ARHGEF1: variants seen among roughly 807,000 people sequenced by gnomAD.
ARHGEF1 encodes 115 kDa guanine nucleotide exchange factor.
ARHGEF1 carries 40 observed loss-of-function variants against 119.7 expected under a neutral mutation model. That is an observed-to-expected ratio of 0.33 (90% CI 0.26 to 0.44). ARHGEF1 has a LOEUF of 0.44. Among genes scored for constraint, ARHGEF1 ranks in the 20% least tolerant of loss-of-function variants. The pLI, the probability that ARHGEF1 is intolerant of heterozygous loss-of-function variation, is 1.00. For synonymous variants in ARHGEF1, 494 were observed against 521.0 expected (o/e 0.95, Z 0.71); for missense variants, 976 against 1,268.3 (o/e 0.77, Z 3.50).
intron 1 of ARHGEF1, among the ~76,000 whole-genome samples, chr19:41,926,966 GAGATGCCGAGAAAGGAAGAGAGAGAGAT>G (rs1240437213): frequency 1.1e-4 from 16 of 152,074 alleles, no homozygotes; most frequent in East Asian, 3.9e-4. Context: ...GAGATAGAAA[GAGATGCCGAGAAAGGAAGAGAGAGAGAT>G]AGATGCCGAG....
chr19:41,893,261 C>T lies in ARHGEF1; in HGVS notation c.615-13C>T. 1 of 1,612,482 alleles carries T rather than the reference C, an allele frequency of 6.2e-7. No individual in the cohort carries two copies. The highest frequency in any genetic ancestry group is 8.5e-7 in the Non-Finnish European group (1 of 1,179,438). ...TAGCAAATATGTCACAAACATCTCT[C>T]TTCCTCCTACAGACATACCATCTCT... On this transcript the variant is annotated splice_polypyrimidine_tract_variant and intron_variant, in intron 7 of 28. Coordinates refer to ENST00000354532, the MANE Select transcript of ARHGEF1 (RefSeq NM_004706.4).
At chr19:41,929,468 C>T (rs549219226) in intron 2 of ARHGEF1, among the ~76,000 whole-genome samples, 112 of 152,324 alleles carry the variant, frequency 7.4e-4, no homozygotes, top group African/African-American at 2.6e-3. Flanking sequence ...AGCCTCAGGG[C>T]GGGTCAGACC....
In ARHGEF1 at chr19:41,906,534, C is replaced by T; in HGVS notation, c.2569C>T (p.Pro857Ser). The change falls in exon 27 of 29, where the codon CCA (proline) becomes TCA (serine). Residue 857 changes from proline (P) to serine (S), a missense_variant. Coordinates refer to ENST00000354532, the MANE Select transcript of ARHGEF1 (RefSeq NM_004706.4). The surrounding 1 kb of genome is among the most constrained non-coding windows in gnomAD (Gnocchi z 4.5). ...GCCTCCTCGAGATGGGGATGGGGTC[C>T]CAGGGGGCGGCCCCCTGAGCCCAGC... ...AGPPRDGDGV[P>S]GGGPLSPART... The T allele has an allele frequency of 6.3e-7, 1 of 1,582,212 alleles. No individual in the cohort carries two copies. The highest frequency in any genetic ancestry group is 8.5e-7 in the Non-Finnish European group (1 of 1,171,992).
At position 41,892,258 on chromosome 19, in the gene ARHGEF1, T is replaced by C; in HGVS notation, c.325-73T>C. 6.3e-7 allele frequency: 1 copy of C among 1,598,736 alleles called. No homozygotes were observed. The highest frequency in any genetic ancestry group is 1.1e-5 in the South Asian group (1 of 90,800). On this transcript the variant is annotated intron_variant, in intron 5 of 28. Coordinates refer to ENST00000354532, the MANE Select transcript of ARHGEF1 (RefSeq NM_004706.4). The surrounding 1 kb of genome is among the most constrained non-coding windows in gnomAD (Gnocchi z 6.3). Reference sequence around the variant, plus strand: ...CCAGCACCCTCGCTTAGACCAGGGTTCCTGGCAGTCCTCCCGGCCTGCATC... The same window carrying C: ...CCAGCACCCTCGCTTAGACCAGGGTCCCTGGCAGTCCTCCCGGCCTGCATC...
At position 41,916,369 on chromosome 19, in the gene ARHGEF1, T is replaced by G. The variant is rs2074801859; in HGVS notation, c.1866-6723T>G. ...CCACTGCTGCCACACACAACCCACA[T>G]CACACAGATGCATGTGTCAGTAAAG... is the stretch of plus-strand genomic sequence containing the variant. On this transcript the variant is annotated intron_variant, in intron 18 of 20. Coordinates refer to the ARHGEF1 transcript ENST00000599589. This position sits in a 1 kb window ranked among gnomAD's most constrained non-coding sequence, Gnocchi z 5.4. Among the ~76,000 whole-genome samples the G allele has an allele frequency of 6.6e-6, 1 of 151,656 alleles. No homozygotes were observed. Among genetic ancestry groups the G allele is most frequent in the South Asian group, 2.1e-4 (1 of 4,806 alleles).
chr19:41,911,747 C>G (rs2074752930), downstream of ARHGEF1, among the ~76,000 whole-genome samples: 1 of 152,100 alleles, frequency 6.6e-6, no homozygotes, highest in African/African-American at 2.4e-5. Flanking sequence ...CCCACAGGAC[C>G]CCAAGGTGAC....
At chr19:41,919,389 C>A (rs953181383), upstream of ARHGEF1, among the ~76,000 whole-genome samples, 2 of 151,914 alleles carry the variant, frequency 1.3e-5, no homozygotes, top group Non-Finnish European at 1.5e-5. Flanking sequence ...ATCAAACATA[C>A]ACAAACAGTC....
Position 41,904,546 on chromosome 19 carries a change from G to C in ARHGEF1, c.2161+163G>C, listed in dbSNP as rs910519785. Among the ~76,000 whole-genome samples, 5 of 152,044 alleles carry C rather than the reference G, an allele frequency of 3.3e-5. No individual in the cohort carries two copies. Among genetic ancestry groups the C allele is most frequent in the Non-Finnish European group, 5.9e-5 (4 of 68,014 alleles). The stretch of plus-strand genomic sequence containing the variant: ...GGCAGGGCGGGGCCAGGCCTAGAGG[G>C]TTTATAAGTGAGGTAGGAACTGCTG... On this transcript the variant is annotated intron_variant, in intron 22 of 28. Coordinates refer to ENST00000354532, the MANE Select transcript of ARHGEF1 (RefSeq NM_004706.4). The surrounding 1 kb of genome is among the most constrained non-coding windows in gnomAD (Gnocchi z 8.4).
At chr19:41,922,789 G>A (rs965713732), upstream of ARHGEF1, among the ~76,000 whole-genome samples, 6 of 152,210 alleles carry the variant, frequency 3.9e-5, no homozygotes, top group Non-Finnish European at 7.3e-5. Context: ...CAGCGCCATC[G>A]ATCAGATGGG....
At position 41,892,575 on chromosome 19, in the gene ARHGEF1, A is replaced by T. The variant is rs2074395031; in HGVS notation, c.368-28A>T. Reference sequence around the variant, plus strand: ...GTGGTCCAAGCCACCAGGGAGCTGGACCCTAGCCCCCATGTGTGTCCCTGC... The same window carrying T: ...GTGGTCCAAGCCACCAGGGAGCTGGTCCCTAGCCCCCATGTGTGTCCCTGC... On this transcript the variant is annotated intron_variant, in intron 6 of 28. Transcript: ENST00000354532. This position sits in a 1 kb window ranked among gnomAD's most constrained non-coding sequence, Gnocchi z 6.3. The T allele has an allele frequency of 6.4e-7, 1 of 1,567,700 alleles. No individual in the cohort carries two copies. The highest frequency in any genetic ancestry group is 8.7e-7 in the Non-Finnish European group (1 of 1,151,968).
chr19:41,895,204 G>T (rs906511709), intron 11 of ARHGEF1, 145 bp from the exon 12 acceptor site: 2 of 1,104,344 alleles, frequency 1.8e-6, no homozygotes, highest in Non-Finnish European at 1.3e-6. Context: ...GGGAGGAGGG[G>T]TTGAGGGCTC....
chr19:41,901,678 C>G (rs527370017), intron 14 of ARHGEF1, among the ~76,000 whole-genome samples: 1 of 152,292 alleles, frequency 6.6e-6, no homozygotes, highest in Non-Finnish European at 1.5e-5. Context: ...ATCTTGGACT[C>G]CTGGGTTCAA....
rs1555849627 is a variant in ARHGEF1 at position 41,904,152 on chromosome 19, G to A, written c.1993+42G>A. 2.5e-6 allele frequency: 4 copies of A among 1,613,570 alleles called. No individual in the cohort carries two copies. The highest frequency in any genetic ancestry group is 3.4e-6 in the Non-Finnish European group (4 of 1,179,624). On this transcript the variant is annotated intron_variant, in intron 21 of 28. Transcript: ENST00000354532. The surrounding 1 kb of genome is among the most constrained non-coding windows in gnomAD (Gnocchi z 8.4). ...CTGCCTAGTGCAGGGTGTTGGGGCAGTGAGCCAAGGGCGGGGAGGGGGTCG... is the reference window on the plus strand; with the variant it reads ...CTGCCTAGTGCAGGGTGTTGGGGCAATGAGCCAAGGGCGGGGAGGGGGTCG...
At position 41,903,039 on chromosome 19, in the gene ARHGEF1, C is replaced by T; in HGVS notation, c.1738+141C>T. 2.6e-6 allele frequency: 2 copies of T among 759,964 alleles called. No individual in the cohort carries two copies. Among genetic ancestry groups the T allele is most frequent in the Non-Finnish European group, 4.2e-6 (2 of 481,794 alleles). 47.1% of individuals were successfully genotyped at this position (759,964 alleles called of 1,614,324 possible). A position where few individuals can be genotyped will look rare whatever the true frequency, so the allele number is the denominator to read the frequency against. On this transcript the variant is annotated intron_variant, in intron 18 of 28. Coordinates refer to ENST00000354532, the MANE Select transcript of ARHGEF1 (RefSeq NM_004706.4). The surrounding 1 kb of genome is among the most constrained non-coding windows in gnomAD (Gnocchi z 4.2). ...GATCTACCATCCTCCCACCTCAGCT[C>T]CCCAAGTAGCTGGGACCCCAAGGGC...
intron 18 of ARHGEF1, chr19:41,912,914 G>A: frequency 8.1e-7 from 1 of 1,231,430 alleles, no homozygotes; most frequent in Non-Finnish European, 1.0e-6. Context: ...CGCAGCTACA[G>A]TCCATGGCGG....
At position 41,892,241 on chromosome 19, in the gene ARHGEF1, C is replaced by G; in HGVS notation, c.325-90C>G. The G allele has an allele frequency of 6.3e-7, 1 of 1,586,558 alleles. No individual in the cohort carries two copies. Among genetic ancestry groups the G allele is most frequent in the Non-Finnish European group, 8.6e-7 (1 of 1,158,704 alleles). On this transcript the variant is annotated intron_variant, in intron 5 of 28. Transcript: ENST00000354532. This position sits in a 1 kb window ranked among gnomAD's most constrained non-coding sequence, Gnocchi z 6.3. ...GCTGACCCAGGCCTTCCCCAGCACC[C>G]TCGCTTAGACCAGGGTTCCTGGCAG...
rs782591528 is a variant in ARHGEF1 at position 41,902,931 on chromosome 19, C to T, written c.1738+33C>T. The T allele has an allele frequency of 2.7e-6, 4 of 1,509,332 alleles. No homozygotes were observed. The East Asian group carries it at 9.2e-5, about 35-fold the overall frequency. 93.5% of individuals were successfully genotyped at this position (1,509,332 alleles called of 1,614,324 possible). ...GGGCCTGGATCTCTGGGCCTCGGCT[C>T]TCCTCTTTTTTTTTTACATTTTTTT... On this transcript the variant is annotated intron_variant, in intron 18 of 28. Transcript: ENST00000354532. The surrounding 1 kb of genome is among the most constrained non-coding windows in gnomAD (Gnocchi z 6.5).
Position 41,917,576 on chromosome 19 carries a change from GGAGA to G in ARHGEF1, c.1866-5511_1866-5508del, listed in dbSNP as rs1372228529. Among the ~76,000 whole-genome samples the G allele has an allele frequency of 1.3e-4, 20 of 151,516 alleles. No individual in the cohort carries two copies. The highest frequency in any genetic ancestry group is 2.5e-4 in the Non-Finnish European group (17 of 67,884). ...TCTTCTCCGGGGCTCTGTCTAAAGA[GGAGA>G]GAGACGCGGCCTAAGACCCTTCTGC... On this transcript the variant is annotated intron_variant, in intron 18 of 20. Transcript: ENST00000599589. The surrounding 1 kb of genome is among the most constrained non-coding windows in gnomAD (Gnocchi z 4.8).
downstream of ARHGEF1, chr19:41,909,049 C>T (rs1398122426): frequency 2.5e-6 from 3 of 1,218,406 alleles, no homozygotes; most frequent in Non-Finnish European, 3.1e-6. The surrounding 1 kb of genome is among the most constrained non-coding windows in gnomAD (Gnocchi z 5.2). Flanking sequence ...CCAGAACCTC[C>T]AGGCTCTTAC....
Sources: allele counts gnomAD v4.1 joint callset (sites outside exome capture counted in the v4.1 genomes callset), GRCh38; gene constraint gnomAD v4.1.1; non-coding constraint Gnocchi (gnomAD v3.1); transcripts MANE v1.5; gene names NCBI Gene and HGNC (gene_info 2026-07-23, HGNC 2026-07-21).